Variants in GRID1 observed in about 807,000 individuals in gnomAD.
The protein encoded by GRID1 is glutamate ionotropic receptor delta type subunit 1.
Under a neutral mutation model 98.0 loss-of-function variants are expected in GRID1, and 28 were observed. That is an observed-to-expected ratio of 0.29 (90% confidence interval 0.21 to 0.39). GRID1 has a LOEUF of 0.39. Among genes scored for constraint, GRID1 ranks in the 10% least tolerant of loss-of-function variants. GRID1 has a pLI of 1.00. For missense variants in GRID1, 1,111 were observed against 1,340.5 expected (o/e 0.83, Z 2.67); for synonymous variants, 553 against 538.5 (o/e 1.03, Z -0.37).
At chr10:85,648,983 A>T (rs1843231878) in intron 12 of GRID1, among the ~76,000 whole-genome samples, 1 of 152,256 alleles carries the variant, frequency 6.6e-6, no homozygotes, top group African/African-American at 2.4e-5. Context: ...TCCGTGCCTC[A>T]GTTTCCAAAT....
At chr10:85,771,353 A>G (rs938326348) in intron 8 of GRID1, among the ~76,000 whole-genome samples, 1 of 152,226 alleles carries the variant, frequency 6.6e-6, no homozygotes, top group African/African-American at 2.4e-5. Context: ...AACCGGTACC[A>G]GCCACTGCAA....
rs922466849 is a variant in GRID1, at chr10:86,279,827, T to C, written c.236-73179A>G. Among the ~76,000 whole-genome samples, 3 of 152,218 alleles carry C rather than the reference T, an allele frequency of 2.0e-5. No homozygotes were observed. The East Asian group carries it at 5.8e-4, about 29-fold the overall frequency. On this transcript the variant is annotated intron_variant, in intron 2 of 15. Coordinates refer to ENST00000327946, the MANE Select transcript of GRID1 (RefSeq NM_017551.3). ...CTGTCTTTCTTCACAGGTGACATTA[T>C]CATTTACTTAGAAAATTTGATGGAA...
chr10:86,142,949 A>G (rs769380825), intron 3 of GRID1, among the ~76,000 whole-genome samples: 1 of 152,370 alleles, frequency 6.6e-6, no homozygotes, highest in East Asian at 1.9e-4. Flanking sequence ...GTACACAAGA[A>G]CATGCAAACG....
intron 4 of GRID1, among the ~76,000 whole-genome samples, chr10:86,104,986 G>C (rs531941118): frequency 5.3e-5 from 8 of 152,254 alleles, no homozygotes; most frequent in Non-Finnish European, 1.2e-4. Context: ...TCCACTTGCT[G>C]TGGAGATTAA....
At chr10:86,260,470 C>G (rs547529923) in intron 2 of GRID1, among the ~76,000 whole-genome samples, 32 of 152,332 alleles carry the variant, frequency 2.1e-4, no homozygotes, top group African/African-American at 7.7e-4. Flanking sequence ...CTCTGTCTTC[C>G]TGGTTGGAGC....
chr10:86,334,255 T>C (rs1380803027), intron 2 of GRID1, among the ~76,000 whole-genome samples: 5 of 152,268 alleles, frequency 3.3e-5, no homozygotes, highest in South Asian at 2.1e-4. Context: ...GGTGAGAGTA[T>C]ATAATTAAAA....
At chr10:85,772,427 G>A (rs1842281062) in intron 8 of GRID1, among the ~76,000 whole-genome samples, 1 of 150,444 alleles carries the variant, frequency 6.6e-6, no homozygotes, top group African/African-American at 2.5e-5. Context: ...AAAAGCAAGA[G>A]CAAACACATT....
At chr10:85,921,864 C>T (rs1304388872) in intron 4 of GRID1, among the ~76,000 whole-genome samples, 1 of 152,172 alleles carries the variant, frequency 6.6e-6, no homozygotes, top group African/African-American at 2.4e-5. Flanking sequence ...CGAGAGCTTG[C>T]TTTTATTAAC....
chr10:85,618,515 C>T (rs986496313), intron 14 of GRID1, among the ~76,000 whole-genome samples: 2 of 152,220 alleles, frequency 1.3e-5, no homozygotes, highest in Non-Finnish European at 2.9e-5. Flanking sequence ...CTCTTGTCAT[C>T]TCTCTCTGCT....
intron 13 of GRID1, among the ~76,000 whole-genome samples, chr10:85,631,793 G>A (rs960229970): frequency 1.3e-5 from 2 of 152,148 alleles, no homozygotes; most frequent in Admixed American, 6.6e-5. Flanking sequence ...GCAAATTGGT[G>A]TGCCTGGATA....
intron 12 of GRID1, among the ~76,000 whole-genome samples, chr10:85,689,825 T>C (rs1239735817): frequency 6.6e-6 from 1 of 152,174 alleles, no homozygotes; most frequent in Non-Finnish European, 1.5e-5. Flanking sequence ...GAATATAAAC[T>C]TGAATTCTAC....
At chr10:85,660,874 C>G (rs1840958174) in intron 12 of GRID1, among the ~76,000 whole-genome samples, 2 of 152,058 alleles carry the variant, frequency 1.3e-5, no homozygotes, top group South Asian at 4.2e-4. Flanking sequence ...AAATATCACT[C>G]TACGTCTTGC....
At chr10:86,200,082 T>C (rs1845926601) in intron 3 of GRID1, among the ~76,000 whole-genome samples, 1 of 149,920 alleles carries the variant, frequency 6.7e-6, no homozygotes, top group Non-Finnish European at 1.5e-5. Context: ...CCCCCAGACC[T>C]TTCCTCTGGA....
chr10:85,945,535 C>T lies in GRID1; in HGVS notation c.727-29296G>A, dbSNP rs565804787. 2.0e-5 allele frequency among the ~76,000 whole-genome samples: 3 copies of T among 152,280 alleles called. No homozygotes were observed. The East Asian group carries it at 5.8e-4, about 29-fold the overall frequency. Reference sequence around the variant, plus strand: ...TGGGGTATTGCTTCCTCAATCTTAGCAAACAGAATTTGTCAAAAAGTTGAC... The same window carrying T: ...TGGGGTATTGCTTCCTCAATCTTAGTAAACAGAATTTGTCAAAAAGTTGAC... On this transcript the variant is annotated intron_variant, in intron 4 of 15. Coordinates refer to ENST00000327946, the MANE Select transcript of GRID1 (RefSeq NM_017551.3).
At chr10:86,138,682 C>T (rs1012098985) in intron 4 of GRID1, 137 bp downstream of exon 4, 9 of 649,480 alleles carry the variant, frequency 1.4e-5, no homozygotes, top group East Asian at 2.7e-5. Flanking sequence ...AGGCTGAGTG[C>T]TGTGGGCCGA....
At chr10:86,208,132 T>C (rs1348797486) in intron 2 of GRID1, among the ~76,000 whole-genome samples, 2 of 152,092 alleles carry the variant, frequency 1.3e-5, no homozygotes, top group African/African-American at 2.4e-5. Flanking sequence ...CAGGGGAACA[T>C]GTGGGAAGGG....
At chr10:86,140,938 G>A (rs1051721444) in intron 3 of GRID1, among the ~76,000 whole-genome samples, 2 of 152,116 alleles carry the variant, frequency 1.3e-5, no homozygotes, top group Admixed American at 1.3e-4. Flanking sequence ...GAACCCTGGG[G>A]GCTCTCTAGA....
chr10:86,090,992 TG>T (rs369003988), intron 4 of GRID1, among the ~76,000 whole-genome samples: 4 of 152,306 alleles, frequency 2.6e-5, no homozygotes, highest in African/African-American at 9.6e-5. Context: ...GGGAGCTCAC[TG>T]GGTCCCCTAG....
intron 12 of GRID1, among the ~76,000 whole-genome samples, chr10:85,718,296 A>G (rs1311537275): frequency 4.0e-5 from 6 of 149,686 alleles, no homozygotes; most frequent in African/African-American, 7.4e-5. Context: ...GCATCCAGGC[A>G]TTTCTACACA....
Sources: allele counts gnomAD v4.1 joint callset (sites outside exome capture counted in the v4.1 genomes callset), GRCh38; gene constraint gnomAD v4.1.1; transcripts MANE v1.5; gene names NCBI Gene and HGNC (gene_info 2026-07-23, HGNC 2026-07-21).